The following PLCB1 variants were observed in gnomAD, a reference collection of about 807,000 sequenced individuals.
PLCB1 encodes phospholipase C beta 1.
In PLCB1, 46 loss-of-function variants were observed where a neutral mutation model predicts 161.8. That is an observed-to-expected ratio of 0.28 (90% CI 0.22 to 0.36). PLCB1 has a LOEUF of 0.36. Among genes scored for constraint, PLCB1 ranks in the 10% least tolerant of loss-of-function variants. The probability of loss-of-function intolerance (pLI) is 1.00; values close to 1 mark genes in which losing one functional copy is unlikely to be tolerated. For synonymous variants in PLCB1, 517 were observed against 503.7 expected (o/e 1.03, Z -0.35); for missense variants, 1,016 against 1,472.5 (o/e 0.69, Z 5.07).
intron 2 of PLCB1, among the ~76,000 whole-genome samples, chr20:8,250,011 C>T (rs1000731845): frequency 6.6e-6 from 1 of 151,870 alleles, no homozygotes; most frequent in Non-Finnish European, 1.5e-5. Flanking sequence ...GTTTTAGGTG[C>T]AAAGTATTAA....
At chr20:8,220,882 G>A (rs968173010) in intron 2 of PLCB1, among the ~76,000 whole-genome samples, 16 of 152,130 alleles carry the variant, frequency 1.1e-4, no homozygotes, top group African/African-American at 3.1e-4. Context: ...AATTTGCCTC[G>A]TGTCCTGGCA....
At chr20:8,192,455 G>A (rs1487463599) in intron 2 of PLCB1, among the ~76,000 whole-genome samples, 1 of 151,918 alleles carries the variant, frequency 6.6e-6, no homozygotes, top group Non-Finnish European at 1.5e-5. Context: ...AGCGATGTGG[G>A]AGGAGAGCCT....
intron 9 of PLCB1, among the ~76,000 whole-genome samples, chr20:8,660,584 C>T (rs934585573): frequency 2.6e-5 from 4 of 151,880 alleles, no homozygotes; most frequent in African/African-American, 9.7e-5. Flanking sequence ...ATGACTTGCA[C>T]GATGTAGAGG....
chr20:8,529,781 T>C lies in PLCB1; in HGVS notation c.247-98513T>C, dbSNP rs561770579. ...GTTTAACGTACGTTTCTGTGCTGAT[T>C]ACTTTTTTTGCTATTTCCAACAATG... On this transcript the variant is annotated intron_variant, in intron 3 of 31. Coordinates refer to ENST00000338037, the MANE Select transcript of PLCB1 (RefSeq NM_015192.4). Among the ~76,000 whole-genome samples, 4 of 152,234 alleles carry C rather than the reference T, an allele frequency of 2.6e-5. No homozygotes were observed. The South Asian group carries it at 8.3e-4, about 32-fold the overall frequency.
At chr20:8,245,217 C>T (rs944790554) in intron 2 of PLCB1, among the ~76,000 whole-genome samples, 4 of 151,716 alleles carry the variant, frequency 2.6e-5, no homozygotes, top group Non-Finnish European at 4.4e-5. Flanking sequence ...TTTTACTTTA[C>T]CTCTCTATTG....
At chr20:8,407,988 T>C (rs1222632298) in intron 3 of PLCB1, among the ~76,000 whole-genome samples, 1 of 152,084 alleles carries the variant, frequency 6.6e-6, no homozygotes, top group Non-Finnish European at 1.5e-5. Context: ...TAAGAAGGCA[T>C]GATGAGTAAA....
chr20:8,550,834 T>C (rs1985749859), intron 3 of PLCB1, among the ~76,000 whole-genome samples: 1 of 152,210 alleles, frequency 6.6e-6, no homozygotes, highest in South Asian at 2.1e-4. Context: ...AGACTTCTTC[T>C]GGTGGCATCT....
At chr20:8,470,086 C>T (rs546137070) in intron 3 of PLCB1, among the ~76,000 whole-genome samples, 125 of 152,150 alleles carry the variant, frequency 8.2e-4, no homozygotes, top group Non-Finnish European at 1.5e-3. Flanking sequence ...GAGATCCATC[C>T]GTGTAAAATG....
chr20:8,632,035 C>CTTTTTTTTTTTTTTTTTTT (rs34028351), intron 4 of PLCB1, among the ~76,000 whole-genome samples: 5 of 45,984 alleles, frequency 1.1e-4, no homozygotes, highest in Non-Finnish European at 1.9e-4. Context: ...GTTTTTTTTG[C>CTTTTTTTTTTTTTTTTTTT]TTTTTTTTTT....
chr20:8,261,456 C>A (rs1395794512), intron 2 of PLCB1, among the ~76,000 whole-genome samples: 2 of 152,136 alleles, frequency 1.3e-5, no homozygotes, highest in Non-Finnish European at 1.5e-5. Flanking sequence ...GGGAAACATA[C>A]CTTAAGGCTA....
chr20:8,639,729 GAT>G (rs1344717269), intron 4 of PLCB1, among the ~76,000 whole-genome samples: 2 of 152,126 alleles, frequency 1.3e-5, no homozygotes, highest in African/African-American at 4.8e-5. Context: ...ATAGATATGA[GAT>G]AGCATTTGGC....
intron 3 of PLCB1, among the ~76,000 whole-genome samples, chr20:8,434,204 C>T (rs1486194869): frequency 6.6e-6 from 1 of 152,076 alleles, no homozygotes; most frequent in Non-Finnish European, 1.5e-5. Context: ...TCTGCACTTC[C>T]TTCTGGAATT....
At position 8,689,806 on chromosome 20, in the gene PLCB1, T is replaced by TA. The variant is rs938580688; in HGVS notation, c.1009+4734dup. 2.5e-3 allele frequency among the ~76,000 whole-genome samples: 380 copies of TA among 151,022 alleles called. 2 individuals carry two copies. Among genetic ancestry groups the TA allele is most frequent in the African/African-American group, 8.7e-3 (358 of 41,244 alleles). On this transcript the variant is annotated intron_variant, in intron 10 of 31. Transcript: ENST00000338037. The stretch of plus-strand genomic sequence containing the variant: ...TATAACTTGTTAAACACAGATGTGG[T>TA]AAAAAATTTGGCTCCATTGTGTCAG...
chr20:8,283,942 T>C (rs1031059097), intron 2 of PLCB1, among the ~76,000 whole-genome samples: 2 of 152,104 alleles, frequency 1.3e-5, no homozygotes, highest in Non-Finnish European at 2.9e-5. Flanking sequence ...CTTTCAATAA[T>C]ATGGATACAA....
rs566383542 is a variant in PLCB1, at chr20:8,706,764, A to T, written c.1168-1906A>T. On this transcript the variant is annotated intron_variant, in intron 11 of 31. Transcript: ENST00000338037. ...GGTTTAATCTTGGATTCTCTTCTCT[A>T]TGACTTAAGGTAAGTCAGTTAATAT... is the stretch of plus-strand genomic sequence containing the variant. 3.6e-4 allele frequency among the ~76,000 whole-genome samples: 55 copies of T among 152,274 alleles called. 1 individual carries two copies. The South Asian group carries it at 9.9e-3, about 28-fold the overall frequency.
intron 31 of PLCB1, among the ~76,000 whole-genome samples, chr20:8,850,460 A>C (rs539948241): frequency 6.6e-6 from 1 of 152,242 alleles, no homozygotes; most frequent in Non-Finnish European, 1.5e-5. Flanking sequence ...TTCCCAAGGC[A>C]GTTGACTGGT....
intron 22 of PLCB1, 36 bp downstream of exon 22, chr20:8,740,484 G>C: frequency 8.5e-7 from 1 of 1,179,978 alleles, no homozygotes; most frequent in Non-Finnish European, 1.2e-6. Context: ...TTTACTCAAA[G>C]GGGTATTTCT....
chr20:8,237,583 T>G (rs1568601061), intron 2 of PLCB1, among the ~76,000 whole-genome samples: 1 of 152,106 alleles, frequency 6.6e-6, no homozygotes, highest in Non-Finnish European at 1.5e-5. Context: ...TATTTTACAA[T>G]GGACATTTTG....
Position 8,534,590 on chromosome 20 carries a change from G to A in PLCB1, c.247-93704G>A, listed in dbSNP as rs188365354. On this transcript the variant is annotated intron_variant, in intron 3 of 31. Transcript: ENST00000338037. ...CCTTGTGGAACTGGAGTGAAACAAC[G>A]GGGGCGTTGCTTCCAGCCATCTGGG... Among the ~76,000 whole-genome samples, 676 of 152,224 alleles carry A rather than the reference G, an allele frequency of 4.4e-3. 5 individuals are homozygous for A. Among genetic ancestry groups the A allele is most frequent in the African/African-American group, 0.015 (635 of 41,512 alleles).
Sources: gnomAD v4.1 joint callset for allele counts (sites outside exome capture counted in the v4.1 genomes callset) on GRCh38, gnomAD v4.1.1 for gene constraint, MANE v1.5 for transcripts, NCBI Gene and HGNC (gene_info 2026-07-23, HGNC 2026-07-21) for gene names.